PXDNL: variants seen among roughly 807,000 people sequenced by gnomAD.
The protein encoded by PXDNL is probable oxidoreductase PXDNL.
In PXDNL, 145 loss-of-function variants were observed where a neutral mutation model predicts 150.8. The observed-to-expected ratio is 0.96, with a 90% CI of 0.84 to 1.10. The LOEUF (loss-of-function observed/expected upper bound fraction) is 1.10. Among genes scored for constraint, PXDNL ranks in the 50% least tolerant of loss-of-function variants. The pLI is 0.00. For synonymous variants in PXDNL, 757 were observed against 725.7 expected (o/e 1.04, Z -0.69); for missense variants, 2,087 against 1,873.9 (o/e 1.11, Z -2.10).
At chr8:51,379,511 C>T (rs1563382840) in intron 17 of PXDNL, among the ~76,000 whole-genome samples, 1 of 151,556 alleles carries the variant, frequency 6.6e-6, no homozygotes, top group East Asian at 1.9e-4. Context: ...TACTTTTTAC[C>T]CTTTTTTAAT....
chr8:51,691,550 T>C (rs1815998764), intron 1 of PXDNL, among the ~76,000 whole-genome samples: 2 of 152,002 alleles, frequency 1.3e-5, no homozygotes, highest in Admixed American at 1.3e-4. Flanking sequence ...TACAAGTAAG[T>C]TTGACTTAAG....
chr8:51,566,037 G>A (rs987184232), intron 3 of PXDNL, among the ~76,000 whole-genome samples: 1 of 151,730 alleles, frequency 6.6e-6, no homozygotes, highest in South Asian at 2.1e-4. Context: ...GTTGCCAAAC[G>A]CATTTTATGC....
At chr8:51,743,541 C>A (rs1032480908) in intron 1 of PXDNL, among the ~76,000 whole-genome samples, 1 of 152,078 alleles carries the variant, frequency 6.6e-6, no homozygotes. Context: ...GCCACCACAC[C>A]CAGCTAATTT....
In PXDNL at chr8:51,423,596, TG is replaced by T; in HGVS notation, c.1773del (p.Asn592ThrfsTer63). 6.2e-7 allele frequency: 1 copy of T among 1,613,754 alleles called. No individual in the cohort carries two copies. The highest frequency in any genetic ancestry group is 8.5e-7 in the Non-Finnish European group (1 of 1,179,784). ...CTACCCGTGACTGTAAGAAACATGT[TG>T]GTCACAGCAAGGCCAAAAGAATTCC... ...VARNSFGLAVTNMFLTVTAIQ... is the reference protein window; with the variant it reads ...VARNSFGLAVXNMFLTVTAIQ... On this transcript the variant is annotated frameshift_variant, in exon 14 of 23. Coordinates refer to ENST00000356297, the MANE Select transcript of PXDNL (RefSeq NM_144651.5). LOFTEE classifies it high-confidence loss of function.
At chr8:51,783,119 A>G (rs2037430957) in intron 1 of PXDNL, among the ~76,000 whole-genome samples, 1 of 152,236 alleles carries the variant, frequency 6.6e-6, no homozygotes, top group African/African-American at 2.4e-5. Context: ...AAGATGGGTT[A>G]AAAATCAGTG....
intron 21 of PXDNL, among the ~76,000 whole-genome samples, chr8:51,331,928 C>T (rs1485577835): frequency 1.3e-5 from 2 of 151,902 alleles, no homozygotes; most frequent in Non-Finnish European, 2.9e-5. Context: ...AAACAAAGGA[C>T]ATATAATCTT....
chr8:51,391,174 A>C (rs376021989), intron 17 of PXDNL, among the ~76,000 whole-genome samples: 5 of 152,014 alleles, frequency 3.3e-5, no homozygotes, highest in South Asian at 2.1e-4. Context: ...CAAGTCTTTG[A>C]TATTGTGAAT....
chr8:51,743,965 GAGAGAAAA>G (rs1392257061), intron 1 of PXDNL, among the ~76,000 whole-genome samples: 18 of 22,410 alleles, frequency 8.0e-4, no homozygotes, highest in African/African-American at 1.1e-3. Flanking sequence ...AGAAAAAAGA[GAGAGAAAA>G]AAGAAAGGAA....
At chr8:51,727,553 A>G (rs1257570415) in intron 1 of PXDNL, among the ~76,000 whole-genome samples, 1 of 152,216 alleles carries the variant, frequency 6.6e-6, no homozygotes, top group Non-Finnish European at 1.5e-5. Flanking sequence ...AAAGCAAATA[A>G]GAGGAGACCC....
At chr8:51,529,971 G>A (rs7016355) in intron 4 of PXDNL, among the ~76,000 whole-genome samples, 23,648 of 152,054 alleles carry the variant, frequency 0.16, 3,969 homozygotes, top group African/African-American at 0.42. Flanking sequence ...AAATGCATCA[G>A]CATTGTTAAA....
intron 1 of PXDNL, among the ~76,000 whole-genome samples, chr8:51,710,245 G>A (rs914194914): frequency 2.0e-5 from 3 of 152,112 alleles, no homozygotes; most frequent in Non-Finnish European, 4.4e-5. Context: ...TTTTATAGAA[G>A]CAAATAGATT....
At chr8:51,330,261 C>A (rs762558395) in intron 21 of PXDNL, among the ~76,000 whole-genome samples, 5 of 152,116 alleles carry the variant, frequency 3.3e-5, no homozygotes, top group Admixed American at 6.5e-5. Context: ...TTAACTATCA[C>A]ACTCAAGGTT....
intron 1 of PXDNL, among the ~76,000 whole-genome samples, chr8:51,655,031 A>C (rs953893776): frequency 2.0e-5 from 3 of 152,228 alleles, no homozygotes; most frequent in Non-Finnish European, 4.4e-5. Flanking sequence ...TGTTAAAGAC[A>C]GTTACACCAT....
At position 51,408,943 on chromosome 8, in the gene PXDNL, ATGTAGGC is replaced by A. The variant is rs745656219; in HGVS notation, c.2674_2680del (p.Ala892SerfsTer27). 1 of 1,612,802 alleles carries A rather than the reference ATGTAGGC, an allele frequency of 6.2e-7. No individual in the cohort carries two copies. The highest frequency in any genetic ancestry group is 8.5e-7 in the Non-Finnish European group (1 of 1,179,794). ...GCTCCCGTAAACGTTGGAGCCATCG[ATGTAGGC>A]TGTTTGCTGGTTGATCTGCTCTCGT... On this transcript the variant is annotated frameshift_variant, in exon 17 of 23. Coordinates refer to ENST00000356297, the MANE Select transcript of PXDNL (RefSeq NM_144651.5). LOFTEE classifies it high-confidence loss of function.
At chr8:51,623,089 A>G (rs182098612) in intron 2 of PXDNL, among the ~76,000 whole-genome samples, 5 of 152,244 alleles carry the variant, frequency 3.3e-5, no homozygotes, top group Admixed American at 2.0e-4. Flanking sequence ...TAAAATTTCA[A>G]TTTTCAGTTT....
chr8:51,343,671 G>C (rs545455285), intron 20 of PXDNL, among the ~76,000 whole-genome samples: 1 of 152,222 alleles, frequency 6.6e-6, no homozygotes, highest in East Asian at 1.9e-4. Flanking sequence ...GGTAGTAATG[G>C]GTGTTGTTAT....
At chr8:51,430,314 G>C (rs1809219600) in intron 12 of PXDNL, among the ~76,000 whole-genome samples, 1 of 152,126 alleles carries the variant, frequency 6.6e-6, no homozygotes, top group Non-Finnish European at 1.5e-5. Context: ...TTTCAGCCAA[G>C]CTCCTGTGAA....
At chr8:51,534,790 G>A (rs1812023510) in intron 4 of PXDNL, among the ~76,000 whole-genome samples, 1 of 133,300 alleles carries the variant, frequency 7.5e-6, no homozygotes, top group Non-Finnish European at 1.6e-5. Flanking sequence ...GTCCGGGAGG[G>A]AGGTGGGGGG....
intron 3 of PXDNL, among the ~76,000 whole-genome samples, chr8:51,557,372 T>C (rs1812621288): frequency 6.6e-6 from 1 of 152,182 alleles, no homozygotes; most frequent in Admixed American, 6.6e-5. Flanking sequence ...CTGTGGCTGC[T>C]GTTGAAAATC....
Sources: allele counts gnomAD v4.1 joint callset (sites outside exome capture counted in the v4.1 genomes callset), GRCh38; gene constraint gnomAD v4.1.1; transcripts MANE v1.5; gene names NCBI Gene and HGNC (gene_info 2026-07-23, HGNC 2026-07-21).